The following MAGI2 variants were observed in gnomAD, a reference collection of about 807,000 sequenced individuals.
MAGI2 encodes the protein membrane associated guanylate kinase, WW and PDZ domain containing 2, also known as membrane-associated guanylate kinase, WW and PDZ domain-containing protein 2.
MAGI2 carries 35 observed loss-of-function variants against 133.3 expected under a neutral mutation model. That is an observed-to-expected ratio of 0.26 (90% CI 0.20 to 0.35). MAGI2 has a LOEUF of 0.35. Ranked by LOEUF, MAGI2 falls within the 10% of genes least tolerant of loss-of-function variation. The pLI is 1.00. For synonymous variants in MAGI2, 729 were observed against 710.6 expected (o/e 1.03, Z -0.41); for missense variants, 1,636 against 1,863.4 (o/e 0.88, Z 2.25).
chr7:78,033,624 A>C (rs1432879504), intron 21 of MAGI2, among the ~76,000 whole-genome samples: 12 of 152,236 alleles, frequency 7.9e-5, no homozygotes, highest in Non-Finnish European at 8.8e-5. Context: ...AGAGGGAAGT[A>C]CAGAGTGCTG....
chr7:78,937,422 T>C (rs1800601243), intron 2 of MAGI2, among the ~76,000 whole-genome samples: 2 of 151,756 alleles, frequency 1.3e-5, no homozygotes, highest in South Asian at 4.2e-4. Context: ...ACTAGAGGAG[T>C]AATAGTTGCA....
In MAGI2 at chr7:78,692,733, C is replaced by T. The variant is rs182422146; in HGVS notation, c.419-65494G>A. 3.5e-3 allele frequency among the ~76,000 whole-genome samples: 539 copies of T among 152,204 alleles called. 1 individual carries two copies. Among genetic ancestry groups the T allele is most frequent in the Middle Eastern group, 0.01 (3 of 294 alleles). On this transcript the variant is annotated intron_variant, in intron 2 of 21. Coordinates refer to ENST00000354212, the MANE Select transcript of MAGI2 (RefSeq NM_012301.4). ...GATCAAATAAATCCGGAACAAAAAA[C>T]GCATGCTCTAATCATTGAATTAAAT...
chr7:78,904,718 GT>G (rs1284524461), intron 2 of MAGI2, among the ~76,000 whole-genome samples: 5 of 152,006 alleles, frequency 3.3e-5, no homozygotes, highest in African/African-American at 1.2e-4. Flanking sequence ...GGCTAAGCTG[GT>G]CTTGAACTCC....
At chr7:78,992,781 T>C (rs1319578511) in intron 2 of MAGI2, among the ~76,000 whole-genome samples, 1 of 152,068 alleles carries the variant, frequency 6.6e-6, no homozygotes, top group Non-Finnish European at 1.5e-5. Context: ...GGCAAAGAAA[T>C]AATGTTAGAA....
At chr7:79,222,441 G>C (rs1390387403) in intron 1 of MAGI2, among the ~76,000 whole-genome samples, 1 of 151,990 alleles carries the variant, frequency 6.6e-6, no homozygotes, top group Non-Finnish European at 1.5e-5. Context: ...TAGGACCAAG[G>C]AAAACAGACT....
Position 79,138,433 on chromosome 7 carries a change from C to A in MAGI2, c.302-131227G>T, listed in dbSNP as rs137995768. Among the ~76,000 whole-genome samples the A allele has an allele frequency of 3.6e-3, 541 of 152,242 alleles. 2 individuals are homozygous for A. The highest frequency in any genetic ancestry group is 0.012 in the African/African-American group (509 of 41,548). On this transcript the variant is annotated intron_variant, in intron 1 of 21. Coordinates refer to ENST00000354212, the MANE Select transcript of MAGI2 (RefSeq NM_012301.4). ...TCCCTAAGTCCAAGTAAAATTGAGA[C>A]CATTATTTTCATAAAATTTATCATG...
chr7:78,551,903 C>T (rs988749432), intron 3 of MAGI2, among the ~76,000 whole-genome samples: 24 of 152,110 alleles, frequency 1.6e-4, no homozygotes, highest in Non-Finnish European at 3.1e-4. Context: ...CGCCACCACG[C>T]CCAGCTAATT....
intron 1 of MAGI2, among the ~76,000 whole-genome samples, chr7:79,088,002 T>C (rs918892621): frequency 2.6e-5 from 4 of 152,132 alleles, no homozygotes; most frequent in Non-Finnish European, 5.9e-5. Flanking sequence ...ATACTAAATG[T>C]AAAGTAGTTT....
chr7:79,189,457 T>A (rs1161435504), intron 1 of MAGI2, among the ~76,000 whole-genome samples: 2 of 151,942 alleles, frequency 1.3e-5, no homozygotes, highest in Middle Eastern at 3.4e-3. Context: ...ACCCTATTTT[T>A]AAAAAATTGA....
intron 10 of MAGI2, among the ~76,000 whole-genome samples, chr7:78,215,520 GA>G (rs1788181437): frequency 5.9e-5 from 9 of 152,170 alleles, no homozygotes. Flanking sequence ...GTGGTAGGAG[GA>G]AAATGTAACT....
At chr7:79,304,363 T>C (rs1478688022) in intron 1 of MAGI2, among the ~76,000 whole-genome samples, 1 of 152,024 alleles carries the variant, frequency 6.6e-6, no homozygotes, top group Non-Finnish European at 1.5e-5. Context: ...TTGTATTATA[T>C]GAATAATCAT....
At chr7:78,167,351 C>G (rs191124117) in intron 15 of MAGI2, among the ~76,000 whole-genome samples, 2 of 152,152 alleles carry the variant, frequency 1.3e-5, no homozygotes, top group African/African-American at 4.8e-5. Flanking sequence ...CTTTATGAAG[C>G]TGAGAAAATG....
intron 2 of MAGI2, among the ~76,000 whole-genome samples, chr7:78,697,007 A>G (rs1817587379): frequency 6.6e-6 from 1 of 152,214 alleles, no homozygotes; most frequent in Admixed American, 6.6e-5. Flanking sequence ...TAAATAGTTT[A>G]CACAACTACA....
At chr7:78,641,773 G>A (rs528916395) in intron 2 of MAGI2, among the ~76,000 whole-genome samples, 7 of 152,246 alleles carry the variant, frequency 4.6e-5, no homozygotes, top group Admixed American at 2.6e-4. Flanking sequence ...AATATCTGTA[G>A]AAGGATCATA....
intron 2 of MAGI2, among the ~76,000 whole-genome samples, chr7:78,698,250 A>G (rs1817713122): frequency 6.6e-6 from 1 of 152,208 alleles, no homozygotes; most frequent in Admixed American, 6.5e-5. Flanking sequence ...ATACTGGTTG[A>G]TCATTCCTAA....
At chr7:78,938,347 C>G (rs1323656403) in intron 2 of MAGI2, among the ~76,000 whole-genome samples, 1 of 151,534 alleles carries the variant, frequency 6.6e-6, no homozygotes, top group Non-Finnish European at 1.5e-5. Context: ...GTGTTCTTGA[C>G]AATGATAATG....
intron 1 of MAGI2, among the ~76,000 whole-genome samples, chr7:79,340,053 G>A (rs573133225): frequency 6.5e-4 from 99 of 152,004 alleles, no homozygotes; most frequent in Non-Finnish European, 7.6e-4. Flanking sequence ...CAATAGATAC[G>A]GTTATTCTTT....
chr7:78,763,953 C>T (rs920449918), intron 2 of MAGI2, among the ~76,000 whole-genome samples: 1 of 152,068 alleles, frequency 6.6e-6, no homozygotes, highest in Non-Finnish European at 1.5e-5. Context: ...TCAGGGTTCT[C>T]AACAGAGAAC....
chr7:79,391,546 T>TATATATATAGAC (rs1844649399), intron 1 of MAGI2, among the ~76,000 whole-genome samples: 1 of 67,338 alleles, frequency 1.5e-5, no homozygotes, highest in Non-Finnish European at 2.5e-5. Context: ...TAGACATATA[T>TATATATATAGAC]ATATATATAT....
Sources: gnomAD v4.1 joint callset for allele counts (sites outside exome capture counted in the v4.1 genomes callset) on GRCh38, gnomAD v4.1.1 for gene constraint, MANE v1.5 for transcripts, NCBI Gene and HGNC (gene_info 2026-07-23, HGNC 2026-07-21) for gene names.